The following ZNF585B variants were observed in gnomAD, a reference collection of about 807,000 sequenced individuals.
ZNF585B encodes the protein zinc finger protein 41-like protein.
In ZNF585B, 7 loss-of-function variants were observed where a neutral mutation model predicts 14.0. The observed-to-expected ratio is 0.50, with a 90% CI of 0.28 to 0.94. The LOEUF is 0.94. ZNF585B is among the 40% of genes least tolerant of loss of function. ZNF585B has a pLI of 0.09. For missense variants in ZNF585B, 750 were observed against 924.4 expected (o/e 0.81, Z 2.45); for synonymous variants, 290 against 317.3 (o/e 0.91, Z 0.91).
chr19:37,209,503 T>C (rs1490328385), intron 1 of ZNF585B, among the ~76,000 whole-genome samples: 2 of 152,146 alleles, frequency 1.3e-5, no homozygotes, highest in African/African-American at 2.4e-5. Flanking sequence ...ACTTTTCCAA[T>C]GTGAGTAGTT....
intron 1 of ZNF585B, among the ~76,000 whole-genome samples, chr19:37,210,010 C>T (rs1470091651): frequency 1.3e-5 from 2 of 151,690 alleles, no homozygotes; most frequent in African/African-American, 2.4e-5. Context: ...CCACCGCGCC[C>T]GGCCATAAAG....
At chr19:37,187,704 G>A (rs1972354743) in intron 4 of ZNF585B, among the ~76,000 whole-genome samples, 1 of 151,402 alleles carries the variant, frequency 6.6e-6, no homozygotes, top group Non-Finnish European at 1.5e-5. Flanking sequence ...GTCACTTTTT[G>A]CTTATAGAGC....
intron 1 of ZNF585B, among the ~76,000 whole-genome samples, chr19:37,209,984 G>C (rs995960215): frequency 6.6e-6 from 1 of 151,582 alleles, no homozygotes; most frequent in African/African-American, 2.4e-5. Context: ...CAAAGTGCTG[G>C]GATTACAGGT....
rs745339320 is a variant in ZNF585B at position 37,186,931 on chromosome 19, GAA to G, written c.604_605del (p.Phe202GlnfsTer13). ...GKSFFQVSSLFRHHRIHTGEK... is the reference protein window; with the variant it reads ...GKSFFQVSSLXRHHRIHTGEK... Reference sequence around the variant, plus strand: ...CTCCGGTATGAATTCTGTGATGCCTGAAAAGAGACGATACTTGAAAAAAGGAT... The same window carrying G: ...CTCCGGTATGAATTCTGTGATGCCTGAAGAGACGATACTTGAAAAAAGGAT... On this transcript the variant is annotated frameshift_variant, in exon 5 of 5. Transcript: ENST00000532828. LOFTEE classifies it low-confidence loss of function (END_TRUNC). 2.5e-6 allele frequency: 4 copies of G among 1,614,138 alleles called. No individual in the cohort carries two copies. The South Asian group carries it at 4.4e-5, about 18-fold the overall frequency.
chr19:37,193,454 G>C (rs1404119025), intron 2 of ZNF585B, among the ~76,000 whole-genome samples: 1 of 149,012 alleles, frequency 6.7e-6, no homozygotes, highest in Non-Finnish European at 1.5e-5. Flanking sequence ...CTGGGTGACA[G>C]AGCAGGCCTC....
chr19:37,200,041 C>T (rs961569813), intron 2 of ZNF585B, among the ~76,000 whole-genome samples: 2 of 144,660 alleles, frequency 1.4e-5, no homozygotes, highest in Non-Finnish European at 3.0e-5. Flanking sequence ...GAAACTCCGT[C>T]TCAAAAATAA....
intron 4 of ZNF585B, 99 bp downstream of exon 4, chr19:37,189,562 T>G (rs1258364486): frequency 5.9e-6 from 8 of 1,353,668 alleles, no homozygotes; most frequent in African/African-American, 1.4e-5. Context: ...TGAAGAGTGG[T>G]CTTAATAGCA....
At position 37,190,356 on chromosome 19, in the gene ZNF585B, C is replaced by CT. The variant is rs1257196094; in HGVS notation, c.73-207dup. On this transcript the variant is annotated intron_variant, in intron 2 of 4. Coordinates refer to ENST00000532828, the MANE Select transcript of ZNF585B (RefSeq NM_152279.4). Reference sequence around the variant, plus strand: ...CACCTCCCGGGTTCAAGTGATTCTCCTGCCTCAGCCTCCTGAGTAGCTGGG... The same window carrying CT: ...CACCTCCCGGGTTCAAGTGATTCTCCTTGCCTCAGCCTCCTGAGTAGCTGGG... 5.2e-5 allele frequency: 27 copies of CT among 515,844 alleles called. No homozygotes were observed. The African/African-American group carries it at 5.3e-4, about 10-fold the overall frequency. The allele number at this position is 515,844 out of a possible 1,614,324, so 32.0% of individuals were successfully genotyped here.
chr19:37,210,492 G>C lies in ZNF585B; in HGVS notation c.-195C>G, dbSNP rs1290116317. ...ATTAAAACGTGAAAATAGTCCTGAC[G>C]CCAGCGGCGAAATAGCCTTCGGGGA... On this transcript the variant is annotated 5_prime_UTR_variant, in exon 1 of 5. Transcript: ENST00000532828. 1.3e-5 allele frequency: 2 copies of C among 152,208 alleles called. No individual in the cohort carries two copies. Among genetic ancestry groups the C allele is most frequent in the East Asian group, 3.8e-4 (2 of 5,200 alleles). 9.4% of individuals were successfully genotyped at this position (152,208 alleles called of 1,614,324 possible). A position where few individuals can be genotyped will look rare whatever the true frequency, so the allele number is the denominator to read the frequency against.
rs1972326425 is a variant in ZNF585B, at chr19:37,185,775, T to A, written c.1762A>T (p.Ile588Phe). 7 of 1,594,800 alleles carry A rather than the reference T, an allele frequency of 4.4e-6. No homozygotes were observed. Among genetic ancestry groups the A allele is most frequent in the Non-Finnish European group, 6.0e-6 (7 of 1,169,406 alleles). ...YVCTECGRAF[I>F]RKSNFITHQR... The stretch of plus-strand genomic sequence containing the variant: ...TGAGTAATAAAGTTTGACTTGCGGA[T>A]GAAAGCTCTTCCACACTCAGTGCAT... Residue 588 changes from isoleucine to phenylalanine, a missense_variant, in exon 5 of 5, where the codon ATC (isoleucine) becomes TTC (phenylalanine). Physicochemically the swap from Ile to Phe is conservative, Grantham distance 21 (BLOSUM62 0). Around this residue, in one of 2 missense-constraint regions of ZNF585B, gnomAD observed 233 missense variants for 354.1 expected, o/e 0.66. Coordinates refer to ENST00000532828, the MANE Select transcript of ZNF585B (RefSeq NM_152279.4).
intron 2 of ZNF585B, among the ~76,000 whole-genome samples, chr19:37,206,170 G>T (rs189805533): frequency 2.0e-5 from 3 of 152,012 alleles, no homozygotes; most frequent in Admixed American, 2.0e-4. Flanking sequence ...TTAGGAAACA[G>T]GCTGGGAACA....
intron 2 of ZNF585B, among the ~76,000 whole-genome samples, chr19:37,192,864 A>C (rs776692738): frequency 1.3e-5 from 2 of 151,526 alleles, no homozygotes; most frequent in Non-Finnish European, 2.9e-5. Context: ...GGCCGGGCAC[A>C]GTGGCTCACG....
rs1392040262 is a variant in ZNF585B, at chr19:37,184,966, A to G, written c.*261T>C. 2.1e-6 allele frequency: 1 copy of G among 466,334 alleles called. No individual in the cohort carries two copies. Among genetic ancestry groups the G allele is most frequent in the Non-Finnish European group, 3.8e-6 (1 of 266,326 alleles). The allele number at this position is 466,334 out of a possible 1,614,324, so 28.9% of individuals were successfully genotyped here. ...AGTATTCTATTGTAGTTTTCATGAG[A>G]AGGCTTTTCCTATTCACCAAATTGA... On this transcript the variant is annotated 3_prime_UTR_variant, in exon 5 of 5. Transcript: ENST00000532828.
Position 37,184,739 on chromosome 19 carries a change from C to A in ZNF585B, c.*488G>T. On this transcript the variant is annotated 3_prime_UTR_variant, in exon 5 of 5. Transcript: ENST00000532828. ...TACTCAATGGGGAATTGGATATGCA[C>A]AACTGTGTTCGATTCAAAAGAAGAA... is the stretch of plus-strand genomic sequence containing the variant. 1 of 347,936 alleles carries A rather than the reference C, an allele frequency of 2.9e-6. No homozygotes were observed. The highest frequency in any genetic ancestry group is 5.2e-6 in the Non-Finnish European group (1 of 193,990). 21.6% of individuals were successfully genotyped at this position (347,936 alleles called of 1,614,324 possible).
At chr19:37,205,089 G>A (rs1972572359) in intron 2 of ZNF585B, among the ~76,000 whole-genome samples, 1 of 151,734 alleles carries the variant, frequency 6.6e-6, no homozygotes, top group Non-Finnish European at 1.5e-5. Context: ...TTTTGGTAGT[G>A]ACAGGGAATC....
At position 37,186,819 on chromosome 19, in the gene ZNF585B, T is replaced by G. The variant is rs1972340540; in HGVS notation, c.718A>C (p.Arg240=). The G allele has an allele frequency of 6.2e-7, 1 of 1,614,178 alleles. No individual in the cohort carries two copies. Among genetic ancestry groups the G allele is most frequent in the African/African-American group, 1.3e-5 (1 of 75,052 alleles). The change falls in exon 5 of 5, where the codon AGA becomes CGA. Residue 240 remains arginine (R), a synonymous_variant. Transcript: ENST00000532828. ...CCACAGTCAGTGCATTCATGGTGTCTCTCTCCAGTATGAATTTTCTCATGT... is the reference window on the plus strand; with the variant it reads ...CCACAGTCAGTGCATTCATGGTGTCGCTCTCCAGTATGAATTTTCTCATGT... ...SIHEKIHTGE[R]HHECTDCGKA... is the part of the protein sequence containing the mutation.
In ZNF585B at chr19:37,183,599, A is replaced by G. The variant is rs1446924804; in HGVS notation, c.*1628T>C. On this transcript the variant is annotated 3_prime_UTR_variant, in exon 5 of 5. Transcript: ENST00000532828. ...CAGGGAAGGCCTGTGTGGAGGTGTC[A>G]TGGAAAAAAAGACATGACGGACAAG... The G allele has an allele frequency of 6.6e-6, 1 of 152,200 alleles. No homozygotes were observed. Among genetic ancestry groups the G allele is most frequent in the East Asian group, 1.9e-4 (1 of 5,190 alleles). 9.4% of individuals were successfully genotyped at this position (152,200 alleles called of 1,614,324 possible).
At chr19:37,199,434 G>A (rs1011355985) in intron 2 of ZNF585B, 1 of 448,080 alleles carries the variant, frequency 2.2e-6, no homozygotes, top group African/African-American at 2.0e-5. Flanking sequence ...CTAAGGTGGG[G>A]GGATCGATTG....
intron 2 of ZNF585B, among the ~76,000 whole-genome samples, chr19:37,193,275 T>C (rs536941863): frequency 2.6e-5 from 4 of 151,412 alleles, no homozygotes; most frequent in African/African-American, 9.7e-5. Context: ...ATTGAGACCA[T>C]CCTGGCTAAC....
Sources: allele counts gnomAD v4.1 joint callset (sites outside exome capture counted in the v4.1 genomes callset), GRCh38; gene constraint gnomAD v4.1.1; regional missense constraint gnomAD v4.1.1; transcripts MANE v1.5; gene names NCBI Gene and HGNC (gene_info 2026-07-23, HGNC 2026-07-21).